Variants in ANKFY1 observed in about 807,000 individuals in gnomAD.
ANKFY1 encodes the protein ankyrin repeat and FYVE domain-containing protein 1.
Under a neutral mutation model 128.3 loss-of-function variants are expected in ANKFY1, and 47 were observed. The ratio of observed to expected loss-of-function variants is 0.37; its 90% confidence interval spans 0.29 to 0.47. ANKFY1 has a LOEUF of 0.47. Among genes scored for constraint, ANKFY1 ranks in the 20% least tolerant of loss-of-function variants. The pLI, the probability that ANKFY1 is intolerant of heterozygous loss-of-function variation, is 1.00. For missense variants in ANKFY1, 1,222 were observed against 1,510.6 expected, an observed-to-expected ratio of 0.81 and a Z score of 3.17; for synonymous variants, 553 against 601.6, an observed-to-expected ratio of 0.92 and a Z score of 1.18.
At position 4,181,338 on chromosome 17, in the gene ANKFY1, G is replaced by A. The variant is rs748574486; in HGVS notation, c.2156C>T (p.Pro719Leu). 30 of 1,614,020 alleles carry A rather than the reference G, an allele frequency of 1.9e-5. No individual in the cohort carries two copies. In the Middle Eastern group the frequency reaches 4.9e-4, roughly 27 times the overall value. ...RHGCDATCWGPGPGGCLQTLL... is the reference protein window; with the variant it reads ...RHGCDATCWGLGPGGCLQTLL... The stretch of plus-strand genomic sequence containing the variant: ...CGTCTGAAGGCACCCACCAGGTCCC[G>A]GACCCCAGCATGTGGCATCACAGCC... The change falls in exon 16 of 25, where the codon CCG becomes CTG. Residue 719 changes from proline (P) to leucine (L), a missense_variant. Physicochemically the swap from Pro to Leu is moderately conservative, Grantham distance 98 (BLOSUM62 -3). Transcript: ENST00000341657. The surrounding 1 kb of genome is among the most constrained non-coding windows in gnomAD (Gnocchi z 4.9).
Position 4,169,033 on chromosome 17 carries a change from C to G in ANKFY1, c.3377+165G>C. 1.6e-6 allele frequency: 1 copy of G among 616,574 alleles called. No individual in the cohort carries two copies. Among genetic ancestry groups the G allele is most frequent in the Non-Finnish European group, 2.9e-6 (1 of 347,946 alleles). 38.2% of individuals were successfully genotyped at this position (616,574 alleles called of 1,614,324 possible). A position where few individuals can be genotyped will look rare whatever the true frequency, so the allele number is the denominator to read the frequency against. On this transcript the variant is annotated intron_variant, in intron 24 of 24. Coordinates refer to ENST00000341657, the MANE Select transcript of ANKFY1 (RefSeq NM_001330063.2). The surrounding 1 kb of genome is among the most constrained non-coding windows in gnomAD (Gnocchi z 5.0). ...CCCTGCCTTCCCTACATCTCTGTTC[C>G]TCAGTAGGATCCTTGGGTGTGCTCA...
chr17:4,186,718 T>C, intron 11 of ANKFY1: 1 of 740,700 alleles, frequency 1.4e-6, no homozygotes, highest in Non-Finnish European at 1.6e-6. Flanking sequence ...CCCGCTCCTC[T>C]ACCCCTCCTC....
At chr17:4,221,076 G>C (rs1443428518) in intron 3 of ANKFY1, among the ~76,000 whole-genome samples, 1 of 152,152 alleles carries the variant, frequency 6.6e-6, no homozygotes, top group African/African-American at 2.4e-5. Flanking sequence ...GAGACTTTAG[G>C]ATTTTCTATG....
chr17:4,239,828 C>A (rs1027578920), intron 2 of ANKFY1, among the ~76,000 whole-genome samples: 4 of 151,982 alleles, frequency 2.6e-5, no homozygotes, highest in Admixed American at 6.5e-5. Context: ...TGTGAGCGAT[C>A]TATTTAAAAT....
chr17:4,223,524 T>G (rs923060837), intron 3 of ANKFY1: 2 of 1,188,448 alleles, frequency 1.7e-6, no homozygotes, highest in Non-Finnish European at 1.3e-6. Flanking sequence ...ACAGGCCAGT[T>G]TGTTGGATGG....
intron 4 of ANKFY1, among the ~76,000 whole-genome samples, chr17:4,211,914 ACAAACAAAC>A (rs1468337842): frequency 5.0e-5 from 1 of 19,920 alleles, no homozygotes; most frequent in Admixed American, 1.2e-3. Context: ...AAACAAACAA[ACAAACAAAC>A]AAAAAACATC....
At chr17:4,241,339 G>A (rs1256466846) in intron 2 of ANKFY1, among the ~76,000 whole-genome samples, 10 of 143,102 alleles carry the variant, frequency 7.0e-5, no homozygotes, top group Non-Finnish European at 1.2e-4. Context: ...GAGTGTAGTG[G>A]CACAATCTCA....
In ANKFY1 at chr17:4,195,135, C is replaced by T. The variant is rs1256296078; in HGVS notation, c.1215G>A (p.Leu405=). 2.4e-5 allele frequency: 39 copies of T among 1,613,374 alleles called. No individual in the cohort carries two copies. The highest frequency in any genetic ancestry group is 3.3e-5 in the Non-Finnish European group (39 of 1,179,470). The change falls in exon 10 of 25, where the codon CTG becomes CTA. Residue 405 remains leucine, a synonymous_variant. Transcript: ENST00000341657. The stretch of plus-strand genomic sequence containing the variant: ...CTGTGATATGCTGCACTGCCAGCCA[C>T]AGAGCCGTGCTGCCCTCGTGGTCTT... The part of the protein sequence containing the change: ...ELKDHEGSTA[L]WLAVQHITVS...
intron 3 of ANKFY1, chr17:4,223,353 A>C (rs755180046): frequency 3.8e-6 from 6 of 1,579,380 alleles, no homozygotes; most frequent in African/African-American, 1.3e-5. Context: ...GACCTGGTAC[A>C]CATGGCTATT....
chr17:4,245,479 C>T (rs1967488531), intron 1 of ANKFY1, among the ~76,000 whole-genome samples: 1 of 146,776 alleles, frequency 6.8e-6, no homozygotes, highest in East Asian at 1.9e-4. Context: ...CCTGGGACCA[C>T]AAGTGTGTGC....
rs1173971536 is a variant in ANKFY1 at position 4,213,566 on chromosome 17, C to CT, written c.458+3416dup. On this transcript the variant is annotated intron_variant, in intron 4 of 24. Coordinates refer to ENST00000341657, the MANE Select transcript of ANKFY1 (RefSeq NM_001330063.2). Reference sequence around the variant, plus strand: ...ACATACAACAGCATTATATTTATTTCTTTTTTTTTTTTTTTTCCAAGATGA... The same window carrying CT: ...ACATACAACAGCATTATATTTATTTCTTTTTTTTTTTTTTTTTCCAAGATGA... Among the ~76,000 whole-genome samples, 967 of 135,324 alleles carry CT rather than the reference C, an allele frequency of 7.1e-3. 2 individuals carry two copies. Among genetic ancestry groups the CT allele is most frequent in the African/African-American group, 0.01 (384 of 37,016 alleles). 88.8% of individuals were successfully genotyped at this position (135,324 alleles called of 152,430 possible). A position where few individuals can be genotyped will look rare whatever the true frequency, so the allele number is the denominator to read the frequency against.
In ANKFY1 at chr17:4,169,024, T is replaced by G; in HGVS notation, c.3377+174A>C. On this transcript the variant is annotated intron_variant, in intron 24 of 24. Transcript: ENST00000341657. The surrounding 1 kb of genome is among the most constrained non-coding windows in gnomAD (Gnocchi z 5.0). ...CTGCAGGCTCCCTGCCTTCCCTACA[T>G]CTCTGTTCCTCAGTAGGATCCTTGG... 5.1e-6 allele frequency: 3 copies of G among 587,650 alleles called. No homozygotes were observed. The South Asian group carries it at 6.6e-5, about 13-fold the overall frequency. 36.4% of individuals were successfully genotyped at this position (587,650 alleles called of 1,614,324 possible).
chr17:4,187,270 C>G, intron 11 of ANKFY1: 2 of 398,760 alleles, frequency 5.0e-6, no homozygotes, highest in Non-Finnish European at 8.8e-6. Flanking sequence ...CAGACTGATT[C>G]TGCAATTCCT....
chr17:4,260,447 A>G (rs1968351282), intron 1 of ANKFY1, among the ~76,000 whole-genome samples: 1 of 151,406 alleles, frequency 6.6e-6, no homozygotes, highest in Non-Finnish European at 1.5e-5. Context: ...CAAAACCCCA[A>G]CTCTACAAAA....
rs2142996855 is a variant in ANKFY1 at position 4,164,148 on chromosome 17, A to AT, written c.*3630dup. 1 of 152,688 alleles carries AT rather than the reference A, an allele frequency of 6.5e-6. No individual in the cohort carries two copies. Among genetic ancestry groups the AT allele is most frequent in the South Asian group, 2.1e-4 (1 of 4,832 alleles). The allele number at this position is 152,688 out of a possible 1,614,324, so 9.5% of individuals were successfully genotyped here. The stretch of plus-strand genomic sequence containing the variant: ...GCCCCTCCTCTGGGATCACACAGGG[A>AT]TGTCGTAACAGCCAACTCCACACAT... On this transcript the variant is annotated 3_prime_UTR_variant, in exon 25 of 25. Transcript: ENST00000341657.
chr17:4,220,063 G>A (rs1477558579), intron 3 of ANKFY1, among the ~76,000 whole-genome samples: 1 of 152,172 alleles, frequency 6.6e-6, no homozygotes, highest in Non-Finnish European at 1.5e-5. Context: ...AACCTCAGGT[G>A]ATCCACCTGC....
intron 1 of ANKFY1, among the ~76,000 whole-genome samples, chr17:4,252,671 C>T (rs1183809526): frequency 3.9e-5 from 6 of 152,142 alleles, no homozygotes; most frequent in Admixed American, 6.5e-5. Context: ...TCTTATAAAG[C>T]TAAACATATA....
At chr17:4,170,986 C>G in intron 22 of ANKFY1, 125 bp from the exon 23 acceptor site, 1 of 1,405,834 alleles carries the variant, frequency 7.1e-7, no homozygotes, top group South Asian at 1.2e-5. Context: ...ACAAAGTCCC[C>G]ACAGACATAC....
At chr17:4,168,133 G>GA in intron 24 of ANKFY1, 1 of 348,600 alleles carries the variant, frequency 2.9e-6, no homozygotes. Context: ...ACTGAAGAAG[G>GA]CTTTTTTTTT....
Sources: allele counts gnomAD v4.1 joint callset (sites outside exome capture counted in the v4.1 genomes callset), GRCh38; gene constraint gnomAD v4.1.1; non-coding constraint Gnocchi (gnomAD v3.1); transcripts MANE v1.5; gene names NCBI Gene and HGNC (gene_info 2026-07-23, HGNC 2026-07-21).